Variants in BMERB1 observed in about 807,000 individuals in gnomAD.
The protein encoded by BMERB1 is bMERB domain-containing protein 1.
In BMERB1, 12 loss-of-function variants were observed where a neutral mutation model predicts 23.6. That is an observed-to-expected ratio of 0.51 (90% CI 0.33 to 0.82). The LOEUF (loss-of-function observed/expected upper bound fraction) is 0.82. Among genes scored for constraint, BMERB1 ranks in the 40% least tolerant of loss-of-function variants. BMERB1 has a pLI of 0.03. For missense variants in BMERB1, 247 were observed against 255.4 expected, an observed-to-expected ratio of 0.97 and a Z score of 0.22; for synonymous variants, 122 against 96.6, an observed-to-expected ratio of 1.26 and a Z score of -1.54.
At chr16:15,575,611 A>G (rs1054977375) in intron 3 of BMERB1, among the ~76,000 whole-genome samples, 1 of 152,198 alleles carries the variant, frequency 6.6e-6, no homozygotes, top group Non-Finnish European at 1.5e-5. Context: ...CGAGGAAAGA[A>G]TGAAGCAACA....
intron 1 of BMERB1, among the ~76,000 whole-genome samples, chr16:15,490,015 C>T (rs949025052): frequency 6.6e-6 from 1 of 151,830 alleles, no homozygotes; most frequent in African/African-American, 2.4e-5. Context: ...TACAGGCGCC[C>T]GCCCTCATCC....
At chr16:15,493,593 T>C (rs1311961007) in intron 1 of BMERB1, among the ~76,000 whole-genome samples, 2 of 151,994 alleles carry the variant, frequency 1.3e-5, no homozygotes, top group Non-Finnish European at 2.9e-5. Flanking sequence ...CTTCCTTCCT[T>C]CTTCTGCCAT....
At chr16:15,535,707 A>T (rs2150961084) in intron 2 of BMERB1, among the ~76,000 whole-genome samples, 1 of 151,972 alleles carries the variant, frequency 6.6e-6, no homozygotes, top group Admixed American at 6.6e-5. Context: ...CGAGAACTTT[A>T]TTTCCCATAT....
chr16:15,582,875 C>T (rs183142221), intron 4 of BMERB1, among the ~76,000 whole-genome samples: 24 of 152,290 alleles, frequency 1.6e-4, no homozygotes, highest in African/African-American at 5.5e-4. Flanking sequence ...TGCTGCCTCA[C>T]TCACTGACCC....
intron 3 of BMERB1, among the ~76,000 whole-genome samples, chr16:15,578,275 GCTGGTCTA>G (rs886257127): frequency 6.7e-6 from 1 of 150,168 alleles, no homozygotes; most frequent in African/African-American, 2.5e-5. Context: ...TGTTGCCCAG[GCTGGTCTA>G]GAACTCCCAG....
At chr16:15,574,007 C>T (rs1286693123) in intron 3 of BMERB1, among the ~76,000 whole-genome samples, 1 of 145,758 alleles carries the variant, frequency 6.9e-6, no homozygotes, top group Non-Finnish European at 1.5e-5. Flanking sequence ...TTTGTTAAGT[C>T]CATTTTCACA....
chr16:15,469,968 T>G (rs183603209), intron 1 of BMERB1, among the ~76,000 whole-genome samples: 51 of 152,330 alleles, frequency 3.3e-4, no homozygotes, highest in Non-Finnish European at 5.9e-5. Flanking sequence ...TTTGTATGCC[T>G]TTTATTTCTT....
intron 2 of BMERB1, among the ~76,000 whole-genome samples, chr16:15,542,556 G>T (rs1265673558): frequency 1.3e-5 from 2 of 151,632 alleles, no homozygotes; most frequent in Non-Finnish European, 2.9e-5. Flanking sequence ...GGAGCTCTGT[G>T]CTGGGAACCA....
intron 1 of BMERB1, among the ~76,000 whole-genome samples, chr16:15,446,565 G>A (rs2150922641): frequency 6.6e-6 from 1 of 152,314 alleles, no homozygotes; most frequent in South Asian, 2.1e-4. Context: ...GGAGCAAACT[G>A]AGGCTTACAG....
intron 1 of BMERB1, among the ~76,000 whole-genome samples, chr16:15,448,761 A>G (rs1254288275): frequency 6.6e-6 from 1 of 152,182 alleles, no homozygotes; most frequent in Non-Finnish European, 1.5e-5. Context: ...TACTGCATTC[A>G]AGCCTAGGCG....
At chr16:15,540,363 T>TA (rs1837434248) in intron 2 of BMERB1, among the ~76,000 whole-genome samples, 2 of 151,680 alleles carry the variant, frequency 1.3e-5, no homozygotes, top group Admixed American at 1.3e-4. Flanking sequence ...CCGTCTCTAC[T>TA]AAAAATACAA....
At chr16:15,509,856 G>C (rs927188953) in intron 1 of BMERB1, among the ~76,000 whole-genome samples, 1 of 152,170 alleles carries the variant, frequency 6.6e-6, no homozygotes, top group African/African-American at 2.4e-5. Context: ...TGGAAATAAG[G>C]TCTTTGCAGG....
At chr16:15,436,966 A>G (rs534892793) in intron 1 of BMERB1, among the ~76,000 whole-genome samples, 2 of 152,268 alleles carry the variant, frequency 1.3e-5, no homozygotes, top group South Asian at 2.1e-4. Flanking sequence ...ATTTAAATAT[A>G]AATTTAAAAT....
intron 4 of BMERB1, among the ~76,000 whole-genome samples, chr16:15,582,827 G>A (rs1164197789): frequency 1.3e-5 from 2 of 152,154 alleles, no homozygotes; most frequent in Non-Finnish European, 2.9e-5. Flanking sequence ...GGGAGCACAG[G>A]TGAATAGGGT....
chr16:15,518,920 G>C (rs1446043890), intron 2 of BMERB1, among the ~76,000 whole-genome samples: 4 of 152,038 alleles, frequency 2.6e-5, no homozygotes, highest in Non-Finnish European at 5.9e-5. Flanking sequence ...ATTCCTTCAA[G>C]TTTATAAACT....
intron 3 of BMERB1, among the ~76,000 whole-genome samples, chr16:15,571,359 CTT>C (rs58521843): frequency 4.7e-4 from 67 of 142,732 alleles, no homozygotes; most frequent in African/African-American, 1.2e-3. Flanking sequence ...CAAAAACCTA[CTT>C]TTTTTTTTTT....
intron 1 of BMERB1, among the ~76,000 whole-genome samples, chr16:15,481,444 G>A (rs910772580): frequency 6.6e-6 from 1 of 151,914 alleles, no homozygotes; most frequent in South Asian, 2.1e-4. Flanking sequence ...GGAGAATGGC[G>A]TGAACCCGGG....
chr16:15,552,516 C>CAG (rs890784456), intron 2 of BMERB1, among the ~76,000 whole-genome samples: 4 of 152,056 alleles, frequency 2.6e-5, no homozygotes, highest in African/African-American at 9.7e-5. Flanking sequence ...GAAGGATGTG[C>CAG]AGAGGGCTAA....
chr16:15,504,571 C>G (rs1053994850), intron 1 of BMERB1, among the ~76,000 whole-genome samples: 6 of 152,018 alleles, frequency 3.9e-5, no homozygotes, highest in African/African-American at 1.4e-4. Flanking sequence ...ACCTCAGCCT[C>G]CCAAGTAGCT....
Sources: allele counts gnomAD v4.1 joint callset (sites outside exome capture counted in the v4.1 genomes callset), GRCh38; gene constraint gnomAD v4.1.1; transcripts MANE v1.5; gene names NCBI Gene and HGNC (gene_info 2026-07-23, HGNC 2026-07-21).